ADAMTS2: variants seen among roughly 807,000 people sequenced by gnomAD.
ADAMTS2 encodes the protein A disintegrin and metalloproteinase with thrombospondin motifs 2.
In ADAMTS2, 50 loss-of-function variants were observed where a neutral mutation model predicts 123.0. The observed-to-expected ratio is 0.41, with a 90% CI of 0.32 to 0.51. The LOEUF (loss-of-function observed/expected upper bound fraction) is 0.51, where lower values mean the gene tolerates loss of function less well. Among genes scored for constraint, ADAMTS2 ranks in the 20% least tolerant of loss-of-function variants. ADAMTS2 has a pLI of 0.35. For synonymous variants in ADAMTS2, 678 were observed against 695.4 expected (o/e 0.98, Z 0.39); for missense variants, 1,494 against 1,705.2 (o/e 0.88, Z 2.18).
intron 3 of ADAMTS2, among the ~76,000 whole-genome samples, chr5:179,227,283 TCCAG>T (rs1765312295): frequency 6.6e-6 from 1 of 152,158 alleles, no homozygotes; most frequent in Non-Finnish European, 1.5e-5. Context: ...CAATCCTTAG[TCCAG>T]CCAAAAAGCA....
At chr5:179,178,314 T>A (rs936251775) in intron 5 of ADAMTS2, among the ~76,000 whole-genome samples, 4 of 145,948 alleles carry the variant, frequency 2.7e-5, no homozygotes, top group African/African-American at 7.7e-5. Flanking sequence ...ATTGCTGGGC[T>A]GGGGCCCACC....
chr5:179,224,199 CGCTTACTGCA>C (rs1765217345), intron 3 of ADAMTS2, among the ~76,000 whole-genome samples: 1 of 152,142 alleles, frequency 6.6e-6, no homozygotes, highest in East Asian at 1.9e-4. Context: ...GGATGCTGTG[CGCTTACTGCA>C]GCCATGCGGT....
intron 4 of ADAMTS2, among the ~76,000 whole-genome samples, chr5:179,194,365 C>T (rs1047665965): frequency 3.3e-5 from 5 of 152,214 alleles, no homozygotes; most frequent in Admixed American, 6.5e-5. Context: ...GTGCTCACCA[C>T]GACATCCCCA....
In ADAMTS2 at chr5:179,312,513, GA is replaced by G. The variant is rs1286672630; in HGVS notation, c.534+31253del. ...ATATGCACAGCTTCCAGAACCGTGA[GA>G]AATAAGCTTCCGATGCTTTTAAGCC... On this transcript the variant is annotated intron_variant, in intron 2 of 21. Transcript: ENST00000251582. This position sits in a 1 kb window ranked among gnomAD's most constrained non-coding sequence, Gnocchi z 4.2. Among the ~76,000 whole-genome samples, 1 of 152,254 alleles carries G rather than the reference GA, an allele frequency of 6.6e-6. No individual in the cohort carries two copies. Among genetic ancestry groups the G allele is most frequent in the Non-Finnish European group, 1.5e-5 (1 of 68,048 alleles).
At chr5:179,302,949 G>A (rs1321238884) in intron 2 of ADAMTS2, among the ~76,000 whole-genome samples, 1 of 142,022 alleles carries the variant, frequency 7.0e-6, no homozygotes, top group East Asian at 2.0e-4. Context: ...GGGACAGGAG[G>A]GCAGAGTGGT....
chr5:179,172,445 C>A (rs1184626917), intron 5 of ADAMTS2, among the ~76,000 whole-genome samples: 1 of 152,274 alleles, frequency 6.6e-6, no homozygotes. Flanking sequence ...GCATGAGGGG[C>A]AGGGGCCAAG....
chr5:179,145,204 T>G (rs986866381), intron 10 of ADAMTS2, among the ~76,000 whole-genome samples: 2 of 152,172 alleles, frequency 1.3e-5, no homozygotes, highest in Admixed American at 1.3e-4. Context: ...TCACTTCACA[T>G]GCACTAGGAT....
chr5:179,306,505 C>T (rs1284115266), intron 2 of ADAMTS2, among the ~76,000 whole-genome samples: 1 of 152,194 alleles, frequency 6.6e-6, no homozygotes, highest in Non-Finnish European at 1.5e-5. Flanking sequence ...TAACACAATA[C>T]CGCATCCTGA....
chr5:179,281,577 T>G (rs1477020821), intron 2 of ADAMTS2, among the ~76,000 whole-genome samples: 2 of 152,266 alleles, frequency 1.3e-5, no homozygotes, highest in African/African-American at 4.8e-5. Context: ...CACATTTTAT[T>G]TATCCATTTG....
At chr5:179,282,626 T>C (rs1477788770) in intron 2 of ADAMTS2, among the ~76,000 whole-genome samples, 1 of 152,202 alleles carries the variant, frequency 6.6e-6, no homozygotes, top group Non-Finnish European at 1.5e-5. Context: ...TGTATTTCTG[T>C]ATGAATTTTA....
At chr5:179,171,560 C>T (rs1048147650) in intron 5 of ADAMTS2, among the ~76,000 whole-genome samples, 1 of 152,228 alleles carries the variant, frequency 6.6e-6, no homozygotes, top group Non-Finnish European at 1.5e-5. Context: ...AGGCCCGGCT[C>T]TTCTGGCAGT....
intron 3 of ADAMTS2, among the ~76,000 whole-genome samples, chr5:179,247,412 T>C (rs1449567983): frequency 2.0e-5 from 3 of 149,574 alleles, no homozygotes; most frequent in Non-Finnish European, 4.5e-5. Context: ...ATACAAAAAA[T>C]GAGAGTTCAA....
In ADAMTS2 at chr5:179,113,524, T is replaced by C; in HGVS notation, c.*343A>G. On this transcript the variant is annotated 3_prime_UTR_variant, in exon 22 of 22. Coordinates refer to ENST00000251582, the MANE Select transcript of ADAMTS2 (RefSeq NM_014244.5). The stretch of plus-strand genomic sequence containing the variant: ...TGCATCTCCGCCAAGGAAAGGAAGG[T>C]TCCCAATCACTGCTTAGCAACTTGG... The C allele has an allele frequency of 2.9e-6, 1 of 349,050 alleles. No homozygotes were observed. Among genetic ancestry groups the C allele is most frequent in the South Asian group, 3.0e-5 (1 of 33,310 alleles). 21.6% of individuals were successfully genotyped at this position (349,050 alleles called of 1,614,324 possible).
At position 179,181,807 on chromosome 5, in the gene ADAMTS2, T is replaced by G. The variant is rs1764054683; in HGVS notation, c.892-652A>C. 2.0e-5 allele frequency among the ~76,000 whole-genome samples: 3 copies of G among 152,164 alleles called. No homozygotes were observed. In the South Asian group the frequency reaches 6.2e-4, roughly 32 times the overall value. ...TTCTTCACATTTAAAACCATTATTC[T>G]GAGCAGGTGCCAATGGGCTTCAGCA... is the stretch of plus-strand genomic sequence containing the variant. On this transcript the variant is annotated intron_variant, in intron 4 of 21. Transcript: ENST00000251582. This position sits in a 1 kb window ranked among gnomAD's most constrained non-coding sequence, Gnocchi z 4.1.
Position 179,153,567 on chromosome 5 carries a change from T to TA in ADAMTS2, c.1438_1439insT (p.Gln480LeufsTer16). 6.2e-7 allele frequency: 1 copy of TA among 1,609,724 alleles called. No individual in the cohort carries two copies. ...CATGGAGTAGTGCAGTCCCGGGAGC[T>TA]GGGGCAGCGCCGGCCAGTCGTGGGC... On this transcript the variant is annotated frameshift_variant, in exon 9 of 22. Transcript: ENST00000251582. LOFTEE classifies it high-confidence loss of function.
chr5:179,152,768 C>A (rs982808349), intron 9 of ADAMTS2, among the ~76,000 whole-genome samples: 1 of 152,106 alleles, frequency 6.6e-6, no homozygotes, highest in Non-Finnish European at 1.5e-5. Context: ...CCTACTCAAG[C>A]CTTTCCAGAG....
At chr5:179,179,066 T>C (rs1763991057) in intron 5 of ADAMTS2, among the ~76,000 whole-genome samples, 1 of 152,110 alleles carries the variant, frequency 6.6e-6, no homozygotes, top group African/African-American at 2.4e-5. Context: ...CACCTCAGCC[T>C]CCCAAATAGT....
intron 3 of ADAMTS2, among the ~76,000 whole-genome samples, chr5:179,222,391 C>T (rs1765146162): frequency 1.3e-5 from 2 of 152,326 alleles, no homozygotes; most frequent in South Asian, 2.1e-4. Context: ...GGCCTTTCCT[C>T]CCCAACCGGG....
rs530462294 is a variant in ADAMTS2, at chr5:179,314,663, G to A, written c.534+29104C>T. The stretch of plus-strand genomic sequence containing the variant: ...CCATGTGCTTGTCCCACAGGGTGAC[G>A]GGCCAGAATTACAAGCCCCTGATTC... On this transcript the variant is annotated intron_variant, in intron 2 of 21. Coordinates refer to ENST00000251582, the MANE Select transcript of ADAMTS2 (RefSeq NM_014244.5). This position sits in a 1 kb window ranked among gnomAD's most constrained non-coding sequence, Gnocchi z 4.5. Among the ~76,000 whole-genome samples, 6 of 152,114 alleles carry A rather than the reference G, an allele frequency of 3.9e-5. No individual in the cohort carries two copies. The highest frequency in any genetic ancestry group is 3.9e-4 in the East Asian group (2 of 5,156).
Sources: allele counts gnomAD v4.1 joint callset (sites outside exome capture counted in the v4.1 genomes callset), GRCh38; gene constraint gnomAD v4.1.1; non-coding constraint Gnocchi (gnomAD v3.1); transcripts MANE v1.5; gene names NCBI Gene and HGNC (gene_info 2026-07-23, HGNC 2026-07-21).